DCP1B: variants seen among roughly 807,000 people sequenced by gnomAD.
DCP1B encodes the protein mRNA-decapping enzyme 1B.
Under a neutral mutation model 60.5 loss-of-function variants are expected in DCP1B, and 47 were observed. That is an observed-to-expected ratio of 0.78 (90% confidence interval 0.61 to 0.99). The LOEUF is 0.99. Among genes scored for constraint, DCP1B ranks in the 50% least tolerant of loss-of-function variants. DCP1B has a pLI of 0.00. For missense variants in DCP1B, 725 were observed against 756.8 expected (o/e 0.96, Z 0.49); for synonymous variants, 267 against 280.3 (o/e 0.95, Z 0.47).
intron 3 of DCP1B, among the ~76,000 whole-genome samples, chr12:1,985,510 C>T (rs2037444999): frequency 6.6e-6 from 1 of 152,152 alleles, no homozygotes; most frequent in South Asian, 2.1e-4. Flanking sequence ...TCAAGAGTAT[C>T]CAGTTTTACC....
At chr12:1,978,167 C>T (rs1478579955) in intron 3 of DCP1B, among the ~76,000 whole-genome samples, 2 of 152,174 alleles carry the variant, frequency 1.3e-5, no homozygotes, top group African/African-American at 4.8e-5. Context: ...GCAGATGTCG[C>T]AACCCAGAGA....
intron 3 of DCP1B, among the ~76,000 whole-genome samples, chr12:1,974,833 C>A (rs1427024191): frequency 6.6e-6 from 1 of 152,164 alleles, no homozygotes; most frequent in Non-Finnish European, 1.5e-5. Context: ...TAAGTCCAGT[C>A]TCCTATAATC....
At chr12:1,964,227 T>G (rs778615241) in intron 5 of DCP1B, among the ~76,000 whole-genome samples, 1 of 152,160 alleles carries the variant, frequency 6.6e-6, no homozygotes, top group Non-Finnish European at 1.5e-5. Context: ...TTCAATTACA[T>G]ACATTTATTT....
chr12:2,004,134 T>C, intron 1 of DCP1B, 148 bp downstream of exon 1: 5 of 1,090,568 alleles, frequency 4.6e-6, no homozygotes, highest in South Asian at 3.1e-5. Flanking sequence ...AGACCCCATC[T>C]CCACAACTTC....
intron 1 of DCP1B, 177 bp downstream of exon 1, chr12:2,004,105 T>C: frequency 1.2e-6 from 1 of 857,982 alleles, no homozygotes; most frequent in Non-Finnish European, 1.8e-6. Flanking sequence ...AGATCCGCCT[T>C]CCTTCCCCCA....
chr12:1,946,934 G>A (rs922538755), intron 8 of DCP1B, among the ~76,000 whole-genome samples: 3 of 152,104 alleles, frequency 2.0e-5, no homozygotes, highest in African/African-American at 7.2e-5. Flanking sequence ...GGGCTCAAGT[G>A]AGCCTCCCAC....
chr12:1,991,324 A>G (rs917309434), intron 3 of DCP1B: 128 of 435,430 alleles, frequency 2.9e-4, no homozygotes, highest in Admixed American at 1.8e-4. Context: ...AAATCATTAT[A>G]AAATACGGAA....
intron 1 of DCP1B, among the ~76,000 whole-genome samples, chr12:1,999,894 C>T (rs1402784672): frequency 2.0e-5 from 3 of 152,232 alleles, no homozygotes; most frequent in African/African-American, 7.2e-5. Flanking sequence ...AAATGTGGCT[C>T]GTTTGCCCCT....
chr12:1,958,618 C>A (rs1366122175), intron 5 of DCP1B, among the ~76,000 whole-genome samples: 1 of 150,028 alleles, frequency 6.7e-6, no homozygotes, highest in Non-Finnish European at 1.5e-5. Context: ...TTCTATAAAC[C>A]TCCTGGAAGG....
chr12:1,945,380 A>G (rs61908029), downstream of DCP1B, among the ~76,000 whole-genome samples: 3,173 of 152,334 alleles, frequency 0.021, 39 homozygotes, highest in Middle Eastern at 0.061. Flanking sequence ...TGATTCCTCA[A>G]GGATCTAGAA....
chr12:1,942,903 A>C (rs2030315127), downstream of DCP1B, among the ~76,000 whole-genome samples: 1 of 152,218 alleles, frequency 6.6e-6, no homozygotes, highest in South Asian at 2.1e-4. Flanking sequence ...AAGCAAGGGC[A>C]AACAAATTCA....
At chr12:1,966,661 A>G (rs1229256415) in intron 4 of DCP1B, among the ~76,000 whole-genome samples, 1 of 152,180 alleles carries the variant, frequency 6.6e-6, no homozygotes, top group Non-Finnish European at 1.5e-5. Context: ...GCTACAGGGT[A>G]TTTTTTAATC....
At chr12:1,998,861 CCT>C (rs2041534098) in intron 1 of DCP1B, among the ~76,000 whole-genome samples, 2 of 151,994 alleles carry the variant, frequency 1.3e-5, no homozygotes, top group African/African-American at 4.8e-5. Context: ...TATTTAAACC[CCT>C]GATATTTTAT....
Position 1,979,991 on chromosome 12 carries a change from G to A in DCP1B, c.320-12081C>T, listed in dbSNP as rs74059684. On this transcript the variant is annotated intron_variant, in intron 3 of 8. Coordinates refer to ENST00000280665, the MANE Select transcript of DCP1B (RefSeq NM_152640.5). Reference sequence around the variant, plus strand: ...AACAATATCAAGTTTTGACAAGGATGTGGAGCAAATGGGAAGTCTTAGACA... The same window carrying A: ...AACAATATCAAGTTTTGACAAGGATATGGAGCAAATGGGAAGTCTTAGACA... Among the ~76,000 whole-genome samples the A allele has an allele frequency of 1.6e-3, 249 of 152,314 alleles. 1 individual carries two copies. The highest frequency in any genetic ancestry group is 5.8e-3 in the African/African-American group (242 of 41,574).
chr12:1,945,575 A>T (rs1022332670), downstream of DCP1B, among the ~76,000 whole-genome samples: 2 of 152,244 alleles, frequency 1.3e-5, no homozygotes, highest in African/African-American at 4.8e-5. Flanking sequence ...ATCAAGACAC[A>T]TGCACACGTA....
chr12:1,973,274 G>T (rs1056628246), intron 3 of DCP1B, among the ~76,000 whole-genome samples: 3 of 152,132 alleles, frequency 2.0e-5, no homozygotes, highest in Non-Finnish European at 4.4e-5. Flanking sequence ...ATAATGGAAG[G>T]TTCAAAGCAG....
chr12:1,970,756 G>A (rs1257147875), intron 3 of DCP1B: 4 of 177,842 alleles, frequency 2.2e-5, no homozygotes, highest in South Asian at 1.1e-4. Context: ...AAGTTTTCCC[G>A]TAAAGCCACT....
At chr12:2,004,147 C>T in intron 1 of DCP1B, 135 bp downstream of exon 1, 1 of 1,313,878 alleles carries the variant, frequency 7.6e-7, no homozygotes, top group Non-Finnish European at 1.0e-6. Context: ...ACAACTTCGG[C>T]CTCAGTCCCC....
At chr12:1,991,085 C>T in intron 3 of DCP1B, 1 of 455,186 alleles carries the variant, frequency 2.2e-6, no homozygotes, top group Non-Finnish European at 4.4e-6. Context: ...TATGGAAATT[C>T]ATTAGAAACA....
Sources: allele counts gnomAD v4.1 joint callset (sites outside exome capture counted in the v4.1 genomes callset), GRCh38; gene constraint gnomAD v4.1.1; transcripts MANE v1.5; gene names NCBI Gene and HGNC (gene_info 2026-07-23, HGNC 2026-07-21).